CGGBP1: variants seen among roughly 807,000 people sequenced by gnomAD.
CGGBP1 encodes CGG triplet repeat binding protein 1.
A neutral mutation model predicts 11.4 loss-of-function variants in CGGBP1; 4 were observed. That is an observed-to-expected ratio of 0.35 (90% confidence interval 0.17 to 0.80). The LOEUF is 0.80. CGGBP1 is among the 30% of genes least tolerant of loss of function. CGGBP1 has a pLI of 0.52. For synonymous variants in CGGBP1, 76 were observed against 74.1 expected (o/e 1.03, Z -0.13); for missense variants, 135 against 202.1 (o/e 0.67, Z 2.01).
At chr3:88,105,289 T>C (rs1222313114) in intron 2 of CGGBP1, among the ~76,000 whole-genome samples, 1 of 152,194 alleles carries the variant, frequency 6.6e-6, no homozygotes, top group African/African-American at 2.4e-5. Context: ...CACCCTGCTT[T>C]TTTTTACTTA....
At chr3:88,137,407 A>C (rs1706862804) in intron 2 of CGGBP1, among the ~76,000 whole-genome samples, 1 of 152,112 alleles carries the variant, frequency 6.6e-6, no homozygotes. Context: ...AAGTAAATGG[A>C]ATAGGTCTGA....
intron 2 of CGGBP1, among the ~76,000 whole-genome samples, chr3:88,110,551 T>C (rs1705026213): frequency 6.6e-6 from 1 of 152,102 alleles, no homozygotes; most frequent in South Asian, 2.1e-4. Context: ...ATACAAAAAC[T>C]GGCCTTGCTC....
intron 2 of CGGBP1, among the ~76,000 whole-genome samples, chr3:88,080,920 T>C (rs1260823621): frequency 6.6e-6 from 1 of 152,158 alleles, no homozygotes. Context: ...GTCACAAAAT[T>C]GTAGACCTTT....
chr3:88,076,671 T>G (rs1314073041), intron 2 of CGGBP1, among the ~76,000 whole-genome samples: 1 of 152,226 alleles, frequency 6.6e-6, no homozygotes, highest in East Asian at 1.9e-4. Flanking sequence ...TAATTTGATC[T>G]TCATGTACTT....
chr3:88,088,911 GACAGGCACCC>G (rs1299585793), intron 2 of CGGBP1, among the ~76,000 whole-genome samples: 1 of 151,238 alleles, frequency 6.6e-6, no homozygotes, highest in African/African-American at 2.4e-5. Context: ...TAGCTGGGAT[GACAGGCACCC>G]GCCACCATGC....
At chr3:88,123,623 C>T (rs1705913476) in intron 2 of CGGBP1, among the ~76,000 whole-genome samples, 1 of 152,128 alleles carries the variant, frequency 6.6e-6, no homozygotes, top group Non-Finnish European at 1.5e-5. Context: ...CTAAGTGTTT[C>T]TTATTTTCAG....
At chr3:88,059,509 A>C, upstream of CGGBP1, 1 of 1,470,478 alleles carries the variant, frequency 6.8e-7, no homozygotes, top group Non-Finnish European at 8.9e-7. Context: ...CTGTCAGGTG[A>C]GGCGTCCGTT....
chr3:88,103,475 G>A (rs1704552284), intron 2 of CGGBP1, among the ~76,000 whole-genome samples: 1 of 152,180 alleles, frequency 6.6e-6, no homozygotes, highest in African/African-American at 2.4e-5. Context: ...GAGTGTCTAA[G>A]AATTTAGGAA....
chr3:88,119,416 T>G (rs1705630652), intron 2 of CGGBP1, among the ~76,000 whole-genome samples: 2 of 104,872 alleles, frequency 1.9e-5, no homozygotes, highest in Admixed American at 9.9e-5. Context: ...GGGGGAGGGA[T>G]AGCATTGGGA....
intron 2 of CGGBP1, among the ~76,000 whole-genome samples, chr3:88,072,754 A>C (rs1012582486): frequency 2.6e-5 from 4 of 152,006 alleles, no homozygotes; most frequent in African/African-American, 9.7e-5. Flanking sequence ...ATCCCTCCAC[A>C]AAAAAATGAA....
chr3:88,057,658 G>A (rs966331753), intron 2 of CGGBP1: 1 of 152,142 alleles, frequency 6.6e-6, no homozygotes, highest in African/African-American at 2.4e-5. Context: ...AATGCGTTAA[G>A]TCTTACTTTC....
chr3:88,063,463 TAA>T (rs1707006140), upstream of CGGBP1, among the ~76,000 whole-genome samples: 1 of 152,206 alleles, frequency 6.6e-6, no homozygotes, highest in Non-Finnish European at 1.5e-5. Flanking sequence ...TAATGTCTCT[TAA>T]TTTAGAGAAA....
intron 2 of CGGBP1, among the ~76,000 whole-genome samples, chr3:88,098,709 A>G (rs1038565898): frequency 6.6e-6 from 1 of 152,232 alleles, no homozygotes; most frequent in African/African-American, 2.4e-5. Context: ...TCCAGCATAT[A>G]AACAGAACCA....
At chr3:88,088,635 C>T (rs1021741190) in intron 2 of CGGBP1, among the ~76,000 whole-genome samples, 18 of 151,816 alleles carry the variant, frequency 1.2e-4, no homozygotes, top group African/African-American at 3.1e-4. Flanking sequence ...GTACACTGTG[C>T]GTCTTTAAAA....
At chr3:88,117,748 G>A (rs1360169142) in intron 2 of CGGBP1, among the ~76,000 whole-genome samples, 3 of 152,094 alleles carry the variant, frequency 2.0e-5, no homozygotes, top group African/African-American at 7.2e-5. Context: ...GGTATTGATT[G>A]GATGGAGATA....
chr3:88,120,085 C>A (rs1292141542), intron 2 of CGGBP1, among the ~76,000 whole-genome samples: 1 of 146,450 alleles, frequency 6.8e-6, no homozygotes, highest in Non-Finnish European at 1.5e-5. Flanking sequence ...AAAAAAAAAT[C>A]AAATAATGTA....
At chr3:88,145,751 A>G (rs1342121368) in intron 1 of CGGBP1, among the ~76,000 whole-genome samples, 1 of 152,188 alleles carries the variant, frequency 6.6e-6, no homozygotes, top group East Asian at 1.9e-4. Context: ...AGAAAGTTTC[A>G]TGCCTTATTG....
intron 2 of CGGBP1, among the ~76,000 whole-genome samples, chr3:88,109,142 AGTGTGTGTGTGTGT>A (rs35595112): frequency 2.3e-4 from 33 of 142,528 alleles, no homozygotes; most frequent in Non-Finnish European, 2.8e-4. Context: ...AGTGGGCACT[AGTGTGTGTGTGTGT>A]GTGTGTGTGT....
Position 88,068,211 on chromosome 3 carries a change from A to G in CGGBP1, c.-228-9988T>C, listed in dbSNP as rs145236147. 3.0e-3 allele frequency among the ~76,000 whole-genome samples: 452 copies of G among 151,988 alleles called. 5 individuals are homozygous for G. The highest frequency in any genetic ancestry group is 0.01 in the African/African-American group (428 of 41,442). Reference sequence around the variant, plus strand: ...TGACCATTAGTATGTACCTTTGTTCATCAGTGCTTATTTGTCTCGGTGAAG... The same window carrying G: ...TGACCATTAGTATGTACCTTTGTTCGTCAGTGCTTATTTGTCTCGGTGAAG... On this transcript the variant is annotated intron_variant, in intron 2 of 3. Transcript: ENST00000462901.
Sources: gnomAD v4.1 joint callset for allele counts (sites outside exome capture counted in the v4.1 genomes callset) on GRCh38, gnomAD v4.1.1 for gene constraint, MANE v1.5 for transcripts, NCBI Gene and HGNC (gene_info 2026-07-23, HGNC 2026-07-21) for gene names.